Variants in COL4A5 observed in about 807,000 individuals in gnomAD.
COL4A5 encodes collagen alpha-5(IV) chain.
Under a neutral mutation model 130.2 loss-of-function variants are expected in COL4A5, and 26 were observed. The observed-to-expected ratio is 0.20, with a 90% CI of 0.15 to 0.28. The LOEUF (loss-of-function observed/expected upper bound fraction) is 0.28, where lower values mean the gene tolerates loss of function less well. Ranked by LOEUF, COL4A5 falls within the 10% of genes least tolerant of loss-of-function variation. The pLI, the probability that COL4A5 is intolerant of heterozygous loss-of-function variation, is 1.00. For synonymous variants in COL4A5, 496 were observed against 439.6 expected (o/e 1.13, Z -1.60); for missense variants, 1,131 against 1,344.3 (o/e 0.84, Z 2.48).
At chrX:108,454,451 AT>A in intron 1 of COL4A5, among the ~76,000 whole-genome samples, 1 of 110,165 alleles carries the variant, frequency 9.1e-6, no homozygotes, top group South Asian at 3.9e-4. Flanking sequence ...CTAATTTTTT[AT>A]TTTTAGTAGA....
rs771919825 is a variant in COL4A5 at position 108,613,068 on chromosome X, A to T, written c.2396-1843A>T. ...AATTGGACATCCATATGCAAAAAAA[A>T]ATATAAACAAACCAACATAACAAAC... On this transcript the variant is annotated intron_variant, in intron 29 of 52. Coordinates refer to ENST00000328300, the MANE Select transcript of COL4A5 (RefSeq NM_033380.3). 1.3e-4 allele frequency among the ~76,000 whole-genome samples: 15 copies of T among 112,225 alleles called. No individual in the cohort carries two copies. In the South Asian group the frequency reaches 2.5e-3, roughly 19 times the overall value.
At chrX:108,651,205 T>C (rs1182479406) in intron 36 of COL4A5, among the ~76,000 whole-genome samples, 1 of 111,375 alleles carries the variant, frequency 9.0e-6, no homozygotes, top group East Asian at 2.8e-4. Context: ...ACTGCTAATG[T>C]GTACAGTTTC....
At chrX:108,624,188 G>A (rs2067107364) in intron 33 of COL4A5, 48 bp from the exon 34 acceptor site, 2 of 1,049,359 alleles carry the variant, frequency 1.9e-6, no homozygotes, top group South Asian at 3.9e-5. Flanking sequence ...GTTATTTCAT[G>A]GATGAATAAT....
At chrX:108,638,962 T>C (rs1268648757) in intron 36 of COL4A5, among the ~76,000 whole-genome samples, 1 of 111,517 alleles carries the variant, frequency 9.0e-6, no homozygotes, top group Non-Finnish European at 1.9e-5. Context: ...ACTGTTAAAA[T>C]GTCCATACTA....
chrX:108,485,667 G>C (rs2064937172), intron 1 of COL4A5, among the ~76,000 whole-genome samples: 1 of 109,951 alleles, frequency 9.1e-6, no homozygotes, highest in Non-Finnish European at 1.9e-5. Flanking sequence ...TACTGTGTCT[G>C]AGCTAGTACC....
intron 24 of COL4A5, 39 bp from the exon 25 acceptor site, chrX:108,598,663 G>T (rs761291776): frequency 8.9e-7 from 1 of 1,123,462 alleles, no homozygotes; most frequent in South Asian, 1.8e-5. Context: ...GATAGTTGTT[G>T]TATCTATATG....
intron 9 of COL4A5, 42 bp from the exon 10 acceptor site, chrX:108,575,868 T>C: frequency 1.1e-6 from 1 of 944,445 alleles, no homozygotes; most frequent in South Asian, 2.1e-5. Flanking sequence ...AGGGGCTTGT[T>C]TTTCTTTTTT....
chrX:108,677,602 T>C lies in COL4A5; in HGVS notation c.3911T>C (p.Leu1304Ser). The change falls in exon 44 of 53, where the codon TTG (leucine) becomes TCG (serine). Residue 1304 changes from leucine (L) to serine (S), a missense_variant. Coordinates refer to ENST00000328300, the MANE Select transcript of COL4A5 (RefSeq NM_033380.3). ...CCTGGGCTACCTGGCTTGCCTGGTTTGAAAGGAGATCAAGGACCACCAGGA... is the reference window on the plus strand; with the variant it reads ...CCTGGGCTACCTGGCTTGCCTGGTTCGAAAGGAGATCAAGGACCACCAGGA... Reference protein sequence around the residue: ...GQPGLPGLPGLKGDQGPPGLQ... With the variant: ...GQPGLPGLPGSKGDQGPPGLQ... 2 of 1,210,738 alleles carry C rather than the reference T, an allele frequency of 1.7e-6. No individual in the cohort carries two copies. Among genetic ancestry groups the C allele is most frequent in the Non-Finnish European group, 2.2e-6 (2 of 894,823 alleles).
intron 35 of COL4A5, 107 bp downstream of exon 35, chrX:108,625,901 C>T (rs1465161538): frequency 8.3e-6 from 5 of 603,576 alleles, no homozygotes; most frequent in South Asian, 2.4e-5. Context: ...CAGACTGAAA[C>T]GATATCTGAG....
At chrX:108,474,504 C>T (rs2035891629) in intron 1 of COL4A5, among the ~76,000 whole-genome samples, 1 of 111,957 alleles carries the variant, frequency 8.9e-6, no homozygotes, top group African/African-American at 3.2e-5. Context: ...ATGATGTTTG[C>T]ACAATGATGA....
chrX:108,577,465 A>G (rs916148782), intron 10 of COL4A5, among the ~76,000 whole-genome samples: 3 of 110,056 alleles, frequency 2.7e-5, no homozygotes, highest in African/African-American at 9.9e-5. Flanking sequence ...TTAAGAGGCA[A>G]CATACTTGAG....
intron 1 of COL4A5, among the ~76,000 whole-genome samples, chrX:108,479,201 C>G (rs1456182075): frequency 6.2e-5 from 7 of 112,479 alleles, no homozygotes; most frequent in Non-Finnish European, 1.3e-4. Flanking sequence ...ACATGGGATA[C>G]AAATATCCTC....
Position 108,674,768 on chromosome X carries a change from T to C in COL4A5, c.3808+15T>C, listed in dbSNP as rs2068272887. Reference sequence around the variant, plus strand: ...AGGTTTTCAAGGTTAGACTCTTCACTGGTCAATTCTTTTTTTTTTTTTTTT... The same window carrying C: ...AGGTTTTCAAGGTTAGACTCTTCACCGGTCAATTCTTTTTTTTTTTTTTTT... On this transcript the variant is annotated intron_variant, in intron 43 of 52. Coordinates refer to ENST00000328300, the MANE Select transcript of COL4A5 (RefSeq NM_033380.3). 5 of 1,175,466 alleles carry C rather than the reference T, an allele frequency of 4.3e-6. No homozygotes were observed. The highest frequency in any genetic ancestry group is 5.7e-6 in the Non-Finnish European group (5 of 877,100).
At chrX:108,578,208 G>T in intron 12 of COL4A5, 83 bp from the exon 13 acceptor site, 1 of 1,121,310 alleles carries the variant, frequency 8.9e-7, no homozygotes, top group African/African-American at 1.8e-5. Flanking sequence ...CTTGCTTCTT[G>T]AAGTTATCTT....
intron 1 of COL4A5, among the ~76,000 whole-genome samples, chrX:108,482,611 T>C (rs1297201232): frequency 8.9e-6 from 1 of 111,744 alleles, no homozygotes; most frequent in Non-Finnish European, 1.9e-5. Context: ...CCCATTATTT[T>C]CCAATCAATG....
intron 36 of COL4A5, among the ~76,000 whole-genome samples, chrX:108,647,595 C>T (rs958494753): frequency 5.4e-5 from 6 of 111,348 alleles, no homozygotes; most frequent in Non-Finnish European, 9.4e-5. Context: ...CCTGATTGCC[C>T]TGGACAGAAC....
At chrX:108,635,931 A>G (rs1414185536) in intron 36 of COL4A5, among the ~76,000 whole-genome samples, 2 of 112,261 alleles carry the variant, frequency 1.8e-5, no homozygotes, top group Non-Finnish European at 3.8e-5. Flanking sequence ...AGTATTGGGT[A>G]TACACAGATG....
intron 2 of COL4A5, among the ~76,000 whole-genome samples, chrX:108,544,201 G>A (rs753534157): frequency 3.2e-4 from 36 of 111,889 alleles, no homozygotes; most frequent in South Asian, 1.1e-3. Context: ...TTCAAAGGGA[G>A]TGCTTCCAGT....
chrX:108,473,876 C>T (rs1222538153), intron 1 of COL4A5, among the ~76,000 whole-genome samples: 1 of 107,382 alleles, frequency 9.3e-6, no homozygotes, highest in Non-Finnish European at 1.9e-5. Context: ...AAGTGATCTG[C>T]CTGCCTCTGC....
Sources: gnomAD v4.1 joint callset for allele counts (sites outside exome capture counted in the v4.1 genomes callset) on GRCh38, gnomAD v4.1.1 for gene constraint, MANE v1.5 for transcripts, NCBI Gene and HGNC (gene_info 2026-07-23, HGNC 2026-07-21) for gene names.